Variants in ELAPOR2 observed in about 807,000 individuals in gnomAD.
ELAPOR2 encodes endosome-lysosome associated apoptosis and autophagy regulator family member 2.
Under a neutral mutation model 120.7 loss-of-function variants are expected in ELAPOR2, and 89 were observed. That is an observed-to-expected ratio of 0.74 (90% CI 0.62 to 0.88). ELAPOR2 has a LOEUF of 0.88. Ranked by LOEUF, ELAPOR2 falls within the 40% of genes least tolerant of loss-of-function variation. The pLI, the probability that ELAPOR2 is intolerant of heterozygous loss-of-function variation, is 0.00. For missense variants in ELAPOR2, 1,134 were observed against 1,251.6 expected (o/e 0.91, Z 1.42); for synonymous variants, 444 against 444.9 (o/e 1.00, Z 0.03).
chr7:86,972,188 G>C (rs1179755785), intron 1 of ELAPOR2, among the ~76,000 whole-genome samples: 1 of 152,054 alleles, frequency 6.6e-6, no homozygotes, highest in Non-Finnish European at 1.5e-5. Flanking sequence ...TTTGAGGCTT[G>C]GAACCAACCA....
intron 2 of ELAPOR2, among the ~76,000 whole-genome samples, chr7:86,962,247 G>C (rs527663015): frequency 2.0e-5 from 3 of 152,112 alleles, no homozygotes; most frequent in African/African-American, 7.2e-5. Context: ...CCTCAGGAAA[G>C]GCCTCCCCCA....
chr7:86,888,354 G>C (rs1048583378), intron 21 of ELAPOR2, among the ~76,000 whole-genome samples: 2 of 152,106 alleles, frequency 1.3e-5, no homozygotes, highest in African/African-American at 4.8e-5. Flanking sequence ...AACACAGTCT[G>C]ATAATGGAGG....
intron 1 of ELAPOR2, among the ~76,000 whole-genome samples, chr7:86,977,149 C>G (rs1011499296): frequency 6.6e-6 from 1 of 152,208 alleles, no homozygotes; most frequent in African/African-American, 2.4e-5. Flanking sequence ...ACATATCAAT[C>G]ATTGTGCTAA....
In ELAPOR2 at chr7:86,938,182, G is replaced by C. The variant is rs1419267699; in HGVS notation, c.1033C>G (p.Pro345Ala). 1 of 1,551,880 alleles carries C rather than the reference G, an allele frequency of 6.4e-7. No individual in the cohort carries two copies. The highest frequency in any genetic ancestry group is 1.2e-5 in the South Asian group (1 of 84,124). The stretch of plus-strand genomic sequence containing the variant: ...TGGAAATAGTCTTTTGTGGTACAGG[G>C]AGGGCGCTCTGTACACTCACTGGAT... Reference protein sequence around the residue: ...EGSSECTERPPCTTKDYFQIH... With the variant: ...EGSSECTERPACTTKDYFQIH... The change falls in exon 8 of 22, where the codon CCC becomes GCC. Residue 345 changes from proline (P) to alanine (A), a missense_variant. By Grantham distance (27) the Pro-to-Ala change is conservative. Coordinates refer to ENST00000450689, the MANE Select transcript of ELAPOR2 (RefSeq NM_001142749.3).
intron 2 of ELAPOR2, among the ~76,000 whole-genome samples, chr7:86,950,773 A>G (rs955207854): frequency 8.5e-5 from 13 of 152,220 alleles, no homozygotes; most frequent in African/African-American, 2.9e-4. Flanking sequence ...GAGGCAGAAC[A>G]AGCCTGGTGG....
chr7:86,881,648 G>A (rs576951035), intron 21 of ELAPOR2, among the ~76,000 whole-genome samples: 17 of 152,048 alleles, frequency 1.1e-4, no homozygotes, highest in African/African-American at 2.9e-4. Flanking sequence ...GAGCCACTGC[G>A]CCCGACCACC....
chr7:86,897,523 A>G lies in ELAPOR2; in HGVS notation c.2668T>C (p.Cys890Arg). ...TCCCTTACCTGAAATCCTCTCTTGC[A>G]GGCTCCCTCAATCTCATGGAAGTCA... ...EHDFHEIEGA[C>R]KRGFQETLYV... Residue 890 changes from cysteine to arginine, a missense_variant, in exon 19 of 22, where the codon TGC becomes CGC. Physicochemically the swap from Cys to Arg is radical, Grantham distance 180 (BLOSUM62 -3). Transcript: ENST00000450689. The G allele has an allele frequency of 6.2e-7, 1 of 1,612,838 alleles. No individual in the cohort carries two copies. The highest frequency in any genetic ancestry group is 8.5e-7 in the Non-Finnish European group (1 of 1,179,290).
At chr7:87,024,572 G>A (rs1279320827) in intron 1 of ELAPOR2, among the ~76,000 whole-genome samples, 1 of 152,010 alleles carries the variant, frequency 6.6e-6, no homozygotes, top group Non-Finnish European at 1.5e-5. Context: ...GATGACGCTG[G>A]CCTCATAAAA....
At chr7:87,048,797 A>G (rs1162416127) in intron 1 of ELAPOR2, among the ~76,000 whole-genome samples, 2 of 152,228 alleles carry the variant, frequency 1.3e-5, no homozygotes, top group African/African-American at 4.8e-5. Flanking sequence ...TTTAAATGTC[A>G]ATTGTCCCAA....
intron 18 of ELAPOR2, among the ~76,000 whole-genome samples, chr7:86,904,430 T>C (rs962685484): frequency 6.6e-6 from 1 of 152,176 alleles, no homozygotes; most frequent in Non-Finnish European, 1.5e-5. Context: ...TTTAGGAATA[T>C]CAGCAGCCTA....
At chr7:86,987,141 A>T (rs182754335) in intron 1 of ELAPOR2, among the ~76,000 whole-genome samples, 23 of 152,236 alleles carry the variant, frequency 1.5e-4, no homozygotes, top group Non-Finnish European at 1.9e-4. Context: ...CTGGGTAGTC[A>T]TATGTAGAAA....
intron 4 of ELAPOR2, 53 bp downstream of exon 4, chr7:86,944,846 A>G: frequency 2.1e-6 from 3 of 1,425,746 alleles, no homozygotes; most frequent in Non-Finnish European, 2.8e-6. Flanking sequence ...GACTAAGGGA[A>G]ATTTACATGA....
At position 86,969,253 on chromosome 7, in the gene ELAPOR2, A is replaced by G. The variant is rs1792023196; in HGVS notation, c.190-4229T>C. ...TGGATGTCATGGTACCCCCTCAAACACCAAAGTCATCCACACTACAAAAGC... is the reference window on the plus strand; with the variant it reads ...TGGATGTCATGGTACCCCCTCAAACGCCAAAGTCATCCACACTACAAAAGC... On this transcript the variant is annotated intron_variant, in intron 1 of 21. Transcript: ENST00000450689. Among the ~76,000 whole-genome samples, 4 of 152,072 alleles carry G rather than the reference A, an allele frequency of 2.6e-5. No individual in the cohort carries two copies. The South Asian group carries it at 8.3e-4, about 32-fold the overall frequency.
chr7:86,962,110 C>G lies in ELAPOR2; in HGVS notation c.310+2794G>C, dbSNP rs1340078431. On this transcript the variant is annotated intron_variant, in intron 2 of 21. Coordinates refer to ENST00000450689, the MANE Select transcript of ELAPOR2 (RefSeq NM_001142749.3). ...AAACTGATACCTGACTTCTCATTAACTTCACTCAGAGGAGCCTTGCAGCCA... is the reference window on the plus strand; with the variant it reads ...AAACTGATACCTGACTTCTCATTAAGTTCACTCAGAGGAGCCTTGCAGCCA... Among the ~76,000 whole-genome samples, 5 of 152,310 alleles carry G rather than the reference C, an allele frequency of 3.3e-5. No individual in the cohort carries two copies. The East Asian group carries it at 9.6e-4, about 29-fold the overall frequency.
chr7:86,996,882 A>G (rs1793142876), intron 1 of ELAPOR2, among the ~76,000 whole-genome samples: 2 of 152,206 alleles, frequency 1.3e-5, no homozygotes, highest in Admixed American at 6.5e-5. Flanking sequence ...TAGAACAGAG[A>G]GAAGCCCAGG....
intron 21 of ELAPOR2, among the ~76,000 whole-genome samples, chr7:86,880,798 T>G (rs1799363084): frequency 6.6e-6 from 1 of 151,464 alleles, no homozygotes; most frequent in South Asian, 2.1e-4. Context: ...AAGACATAGC[T>G]GTGATCCCTG....
chr7:87,042,086 T>C (rs1288779696), intron 1 of ELAPOR2, among the ~76,000 whole-genome samples: 1 of 149,632 alleles, frequency 6.7e-6, no homozygotes, highest in Non-Finnish European at 1.5e-5. Flanking sequence ...ATGCACCCAA[T>C]ACAGGAGCAC....
At chr7:86,921,846 A>C (rs1789847667) in intron 10 of ELAPOR2, among the ~76,000 whole-genome samples, 1 of 152,106 alleles carries the variant, frequency 6.6e-6, no homozygotes, top group African/African-American at 2.4e-5. Context: ...GATGGCTAGT[A>C]CCAAATCAAT....
intron 1 of ELAPOR2, among the ~76,000 whole-genome samples, chr7:87,051,300 A>G (rs1371120381): frequency 6.6e-6 from 1 of 152,206 alleles, no homozygotes; most frequent in Non-Finnish European, 1.5e-5. Context: ...AGCCAAGTAA[A>G]TTTCAGTGAT....
Sources: allele counts gnomAD v4.1 joint callset (sites outside exome capture counted in the v4.1 genomes callset), GRCh38; gene constraint gnomAD v4.1.1; transcripts MANE v1.5; gene names NCBI Gene and HGNC (gene_info 2026-07-23, HGNC 2026-07-21).